The following NFYC variants were observed in gnomAD, a reference collection of about 807,000 sequenced individuals.
NFYC encodes the protein nuclear transcription factor Y subunit gamma, also known as CAAT box DNA-binding protein subunit C.
NFYC carries 25 observed loss-of-function variants against 53.1 expected under a neutral mutation model. The ratio of observed to expected loss-of-function variants is 0.47; its 90% CI spans 0.34 to 0.66. The LOEUF (loss-of-function observed/expected upper bound fraction) is 0.66. Ranked by LOEUF, NFYC falls within the 30% of genes least tolerant of loss-of-function variation. NFYC has a pLI of 0.01. For synonymous variants in NFYC, 145 were observed against 152.6 expected, an observed-to-expected ratio of 0.95 and a Z score of 0.37; for missense variants, 260 against 422.7, an observed-to-expected ratio of 0.62 and a Z score of 3.38.
intron 2 of NFYC, among the ~76,000 whole-genome samples, chr1:40,742,933 A>G (rs1645429116): frequency 6.6e-6 from 1 of 152,168 alleles, no homozygotes; most frequent in Admixed American, 6.5e-5. Flanking sequence ...CCAGAACTCA[A>G]CAGTACTTAA....
At chr1:40,725,364 GTGAC>G (rs1356894831) in intron 1 of NFYC, among the ~76,000 whole-genome samples, 1 of 152,216 alleles carries the variant, frequency 6.6e-6, no homozygotes, top group African/African-American at 2.4e-5. Flanking sequence ...GCTTAGTAGA[GTGAC>G]TGGCCCAGGG....
intron 1 of NFYC, among the ~76,000 whole-genome samples, chr1:40,721,446 C>T (rs1372218783): frequency 6.6e-6 from 1 of 152,130 alleles, no homozygotes; most frequent in African/African-American, 2.4e-5. Context: ...TGCCTGGACT[C>T]CAGGTTTCCT....
intron 1 of NFYC, among the ~76,000 whole-genome samples, chr1:40,708,474 T>C (rs1643825798): frequency 6.6e-6 from 1 of 152,204 alleles, no homozygotes; most frequent in Non-Finnish European, 1.5e-5. Flanking sequence ...CAGGGGATGA[T>C]TGTATTCACT....
At chr1:40,725,004 T>A (rs1644459631) in intron 1 of NFYC, among the ~76,000 whole-genome samples, 2 of 152,138 alleles carry the variant, frequency 1.3e-5, no homozygotes. Context: ...TTAATCAGAG[T>A]TGGGGAAGTA....
At chr1:40,740,688 G>A (rs1411072614) in intron 2 of NFYC, among the ~76,000 whole-genome samples, 2 of 152,202 alleles carry the variant, frequency 1.3e-5, no homozygotes, top group East Asian at 1.9e-4. Flanking sequence ...AAAGGATGGG[G>A]TGTTTTGTTC....
At chr1:40,762,135 C>T (rs1431205662) in intron 6 of NFYC, among the ~76,000 whole-genome samples, 4 of 152,222 alleles carry the variant, frequency 2.6e-5, no homozygotes, top group African/African-American at 9.7e-5. Flanking sequence ...AAGTCATACA[C>T]ATTGGGCAGA....
chr1:40,763,388 G>A (rs1646658923), intron 7 of NFYC: 1 of 454,796 alleles, frequency 2.2e-6, no homozygotes, highest in Non-Finnish European at 4.4e-6. Flanking sequence ...GTGTCACTCA[G>A]ACTGATGAAG....
Position 40,712,855 on chromosome 1 carries a change from A to T in NFYC, c.-9+20988A>T, listed in dbSNP as rs1643985696. On this transcript the variant is annotated intron_variant, in intron 1 of 9. Transcript: ENST00000447388. ...CACCGTGCCCAACTAATTTTTTTTT[A>T]TTTATTTATTTTTATTTTTATTTTT... 3 of 150,680 alleles carry T rather than the reference A, an allele frequency of 2.0e-5. 1 individual carries two copies. In the South Asian group the frequency reaches 6.3e-4, roughly 31 times the overall value. The allele number at this position is 150,680 out of a possible 1,614,324, so 9.3% of individuals were successfully genotyped here. A position where few individuals can be genotyped will look rare whatever the true frequency, so the allele number is the denominator to read the frequency against.
Position 40,738,935 on chromosome 1 carries a change from G to T in NFYC, c.92G>T (p.Arg31Leu), listed in dbSNP as rs758938124. 5 of 1,612,194 alleles carry T rather than the reference G, an allele frequency of 3.1e-6. No homozygotes were observed. The highest frequency in any genetic ancestry group is 1.3e-5 in the African/African-American group (1 of 74,886). The stretch of plus-strand genomic sequence containing the variant: ...TGGCCTCGGGTCATGGAAGAAATCC[G>T]GAATTTAACAGTGGTGAGGAAGAAT... The part of the protein sequence containing the change: ...SFWPRVMEEI[R>L]NLTVKDFRVQ... The change falls in exon 2 of 10, where the codon CGG (arginine) becomes CTG (leucine). Residue 31 changes from arginine (R) to leucine (L), a missense_variant. Arg to Leu is a moderately radical substitution (Grantham distance 102). Coordinates refer to ENST00000447388, the MANE Select transcript of NFYC (RefSeq NM_014223.5).
intron 1 of NFYC, among the ~76,000 whole-genome samples, chr1:40,716,762 T>A (rs1214115379): frequency 6.6e-6 from 1 of 152,164 alleles, no homozygotes; most frequent in Non-Finnish European, 1.5e-5. Flanking sequence ...TTTTATTACA[T>A]GGAGGCAATG....
At chr1:40,710,670 G>T (rs932509163) in intron 1 of NFYC, among the ~76,000 whole-genome samples, 2 of 152,188 alleles carry the variant, frequency 1.3e-5, no homozygotes, top group Non-Finnish European at 2.9e-5. Flanking sequence ...AAAGGAGCAG[G>T]CCCTATTAGA....
intron 1 of NFYC, among the ~76,000 whole-genome samples, chr1:40,698,604 A>G (rs900650639): frequency 4.0e-5 from 6 of 150,922 alleles, no homozygotes; most frequent in Non-Finnish European, 7.4e-5. Flanking sequence ...ATTTTTGTAT[A>G]TTTTGTAGAG....
intron 1 of NFYC, among the ~76,000 whole-genome samples, chr1:40,736,248 C>T (rs1412920094): frequency 6.6e-6 from 1 of 152,116 alleles, no homozygotes; most frequent in East Asian, 1.9e-4. Flanking sequence ...GTTTTCCTTC[C>T]ATTTCTTTCC....
intron 1 of NFYC, among the ~76,000 whole-genome samples, chr1:40,737,600 A>G (rs900162970): frequency 3.3e-5 from 5 of 151,942 alleles, no homozygotes; most frequent in Non-Finnish European, 5.9e-5. Flanking sequence ...GAGTGTTTGG[A>G]TTACAGGCAT....
At chr1:40,701,847 A>G (rs1313930027) in intron 1 of NFYC, among the ~76,000 whole-genome samples, 1 of 152,242 alleles carries the variant, frequency 6.6e-6, no homozygotes, top group Admixed American at 6.5e-5. Context: ...GTTTTAGTGC[A>G]GGAAACTGGC....
At chr1:40,744,815 C>T (rs988935510) in intron 2 of NFYC, among the ~76,000 whole-genome samples, 1 of 152,166 alleles carries the variant, frequency 6.6e-6, no homozygotes, top group Non-Finnish European at 1.5e-5. Context: ...AAGTGGGGAG[C>T]ATGAATCCAA....
intron 4 of NFYC, among the ~76,000 whole-genome samples, chr1:40,750,981 T>C (rs900479385): frequency 3.3e-5 from 5 of 152,198 alleles, no homozygotes; most frequent in African/African-American, 1.2e-4. Context: ...TGAAAAAATA[T>C]TAGACATTTT....
chr1:40,764,830 G>A (rs574012975), intron 7 of NFYC, among the ~76,000 whole-genome samples: 2 of 152,166 alleles, frequency 1.3e-5, no homozygotes, highest in Admixed American at 1.3e-4. Context: ...AATGAGGGAC[G>A]GATCATCACC....
intron 6 of NFYC, among the ~76,000 whole-genome samples, chr1:40,760,456 C>T (rs1646480343): frequency 6.6e-6 from 1 of 152,142 alleles, no homozygotes; most frequent in African/African-American, 2.4e-5. Flanking sequence ...CGTAGTGGCT[C>T]ACACCTGTAA....
Sources: gnomAD v4.1 joint callset for allele counts (sites outside exome capture counted in the v4.1 genomes callset) on GRCh38, gnomAD v4.1.1 for gene constraint, MANE v1.5 for transcripts, NCBI Gene and HGNC (gene_info 2026-07-23, HGNC 2026-07-21) for gene names.